The following CD300LG variants were observed in gnomAD, a reference collection of about 807,000 sequenced individuals.
CD300LG encodes the protein CMRF35-like molecule 9.
CD300LG carries 29 observed loss-of-function variants against 31.5 expected under a neutral mutation model. That is an observed-to-expected ratio of 0.92 (90% confidence interval 0.68 to 1.25). CD300LG has a LOEUF of 1.25. Among genes scored for constraint, CD300LG ranks in the 50% most tolerant of loss-of-function variants. The probability of loss-of-function intolerance (pLI) is 0.00; values close to 1 mark genes in which losing one functional copy is unlikely to be tolerated. For missense variants in CD300LG, 396 were observed against 417.6 expected, an observed-to-expected ratio of 0.95 and a Z score of 0.45; for synonymous variants, 175 against 177.2, an observed-to-expected ratio of 0.99 and a Z score of 0.10.
chr17:43,861,593 G>A (rs1477193215), intron 6 of CD300LG, among the ~76,000 whole-genome samples: 1 of 152,202 alleles, frequency 6.6e-6, no homozygotes, highest in Non-Finnish European at 1.5e-5. Context: ...CCCCGGGGGA[G>A]GGATGGATTG....
chr17:43,858,046 T>G (rs544273010), intron 6 of CD300LG: 58 of 1,437,728 alleles, frequency 4.0e-5, no homozygotes, highest in Non-Finnish European at 5.3e-5. Context: ...TGGCCCCTCC[T>G]CCCTCTGCTG....
chr17:43,849,052 C>A, intron 2 of CD300LG, 159 bp downstream of exon 2: 1 of 660,884 alleles, frequency 1.5e-6, no homozygotes, highest in Non-Finnish European at 2.6e-6. Context: ...ACAGAAGGAG[C>A]CGCCTGAGTC....
At position 43,856,378 on chromosome 17, in the gene CD300LG, C is replaced by A. The variant is rs149855615; in HGVS notation, c.833-726C>A. 5.3e-4 allele frequency among the ~76,000 whole-genome samples: 81 copies of A among 152,310 alleles called. 1 individual carries two copies. In the East Asian group the frequency reaches 0.014, roughly 27 times the overall value. ...GAGCTACCATGTGCCAGCCACTATC[C>A]CCAGCTTATCTTGCTTATCCCCTTT... On this transcript the variant is annotated intron_variant, in intron 5 of 6. Transcript: ENST00000317310.
At chr17:43,861,686 G>A in intron 6 of CD300LG, 112 bp from the exon 7 acceptor site, 1 of 626,512 alleles carries the variant, frequency 1.6e-6, no homozygotes, top group African/African-American at 1.9e-5. Context: ...ACGGAGGGCT[G>A]GAACTTGTGG....
At chr17:43,857,022 A>C (rs1456995067) in intron 5 of CD300LG, 82 bp from the exon 6 acceptor site, 3 of 1,406,848 alleles carry the variant, frequency 2.1e-6, no homozygotes, top group Non-Finnish European at 3.0e-6. Flanking sequence ...CAAGGGGGCC[A>C]GTCCACCTTT....
rs377287900 is a variant in CD300LG, at chr17:43,861,913, G to T, written c.*2G>T. On this transcript the variant is annotated 3_prime_UTR_variant, in exon 7 of 7. Coordinates refer to ENST00000317310, the MANE Select transcript of CD300LG (RefSeq NM_145273.4). The stretch of plus-strand genomic sequence containing the variant: ...TTCTCGAAGTTTGTCTCAGCGTAGG[G>T]CAGGAGGCCCTCCTGGCCAGGCCAG... 41 of 1,599,948 alleles carry T rather than the reference G, an allele frequency of 2.6e-5. No individual in the cohort carries two copies. Among genetic ancestry groups the T allele is most frequent in the African/African-American group, 4.0e-5 (3 of 74,542 alleles).
intron 6 of CD300LG, chr17:43,857,599 C>G (rs2046562135): frequency 1.7e-6 from 2 of 1,175,586 alleles, no homozygotes; most frequent in Admixed American, 4.0e-5. Flanking sequence ...CTCCAGGGCC[C>G]CAGACCCAGC....
chr17:43,855,587 T>C (rs2046496372), intron 5 of CD300LG: 2 of 292,472 alleles, frequency 6.8e-6, no homozygotes, highest in Non-Finnish European at 1.3e-5. Flanking sequence ...CTCTACCTAT[T>C]GATCCCAGGG....
intron 6 of CD300LG, among the ~76,000 whole-genome samples, chr17:43,860,816 TAA>T (rs1300600797): frequency 6.6e-6 from 1 of 152,178 alleles, no homozygotes; most frequent in African/African-American, 2.4e-5. Flanking sequence ...TGAAAACAAA[TAA>T]GTCATTCCAG....
chr17:43,848,192 A>C (rs2046239613), intron 1 of CD300LG, among the ~76,000 whole-genome samples: 1 of 152,044 alleles, frequency 6.6e-6, no homozygotes, highest in Non-Finnish European at 1.5e-5. Context: ...CAGTGAGCAG[A>C]CATCGGGCCA....
At chr17:43,861,045 C>T (rs1597717445) in intron 6 of CD300LG, 9 of 968,236 alleles carry the variant, frequency 9.3e-6, no homozygotes, top group Non-Finnish European at 9.8e-6. Flanking sequence ...ACCCCTCCCA[C>T]GTTTCCCTCA....
At position 43,861,054 on chromosome 17, in the gene CD300LG, C is replaced by T. The variant is rs892716700; in HGVS notation, c.886-744C>T. 4.1e-6 allele frequency: 4 copies of T among 978,894 alleles called. No individual in the cohort carries two copies. The South Asian group carries it at 1.4e-4, about 35-fold the overall frequency. 60.6% of individuals were successfully genotyped at this position (978,894 alleles called of 1,614,324 possible). A position where few individuals can be genotyped will look rare whatever the true frequency, so the allele number is the denominator to read the frequency against. ...TTGCCCACCCCTCCCACGTTTCCCT[C>T]ATCTTGCTTGGGCTTGGCTGGGCTA... On this transcript the variant is annotated intron_variant, in intron 6 of 6. Coordinates refer to ENST00000317310, the MANE Select transcript of CD300LG (RefSeq NM_145273.4).
intron 1 of CD300LG, 141 bp downstream of exon 1, chr17:43,847,400 T>TGGGGGGGGGGGGGGGGGGGGGGGGG: frequency 6.1e-6 from 2 of 325,846 alleles, no homozygotes; most frequent in East Asian, 1.0e-4. Flanking sequence ...GGGCTGGGGG[T>TGGGGGGGGGGGGGGGGGGGGGGGGG]GGGGGGAGGT....
chr17:43,848,013 C>T (rs1407489357), intron 1 of CD300LG, among the ~76,000 whole-genome samples: 3 of 152,092 alleles, frequency 2.0e-5, no homozygotes, highest in Admixed American at 6.6e-5. Flanking sequence ...GAGGCTGAGG[C>T]GGACGGATCA....
chr17:43,854,468 C>T (rs1459141762), intron 4 of CD300LG, among the ~76,000 whole-genome samples: 5 of 152,338 alleles, frequency 3.3e-5, no homozygotes, highest in Non-Finnish European at 2.9e-5. Context: ...ACTTGGCTAC[C>T]GACATCCAGG....
chr17:43,851,532 AGGACTGGGGAAGTGACAGAT>A (rs2046354950), intron 2 of CD300LG, among the ~76,000 whole-genome samples: 1 of 152,040 alleles, frequency 6.6e-6, no homozygotes, highest in Non-Finnish European at 1.5e-5. Flanking sequence ...ACAGTCAGCA[AGGACTGGGGAAGTGACAGAT>A]GGACTTGGGG....
chr17:43,857,252 CT>C (rs2046550108), intron 6 of CD300LG, 96 bp downstream of exon 6: 6 of 1,500,140 alleles, frequency 4.0e-6, no homozygotes, highest in Non-Finnish European at 5.5e-6. Flanking sequence ...CTACCTGGTC[CT>C]CCTTGCCTGA....
Position 43,853,844 on chromosome 17 carries a change from G to T in CD300LG, c.519G>T (p.Lys173Asn). Residue 173 changes from lysine (K) to asparagine (N), a missense_variant, in exon 4 of 7, where the codon AAG becomes AAT. Physicochemically the swap from Lys to Asn is moderately conservative, Grantham distance 94 (BLOSUM62 0). Coordinates refer to ENST00000317310, the MANE Select transcript of CD300LG (RefSeq NM_145273.4). ...TCTACCCGGCAGCCACCACAGCCAA[G>T]CAGGGGAAGACAGGGGCTGAGGCCC... ...PGLYPAATTA[K>N]QGKTGAEAPP... The T allele has an allele frequency of 4.3e-6, 7 of 1,614,086 alleles. No homozygotes were observed. The highest frequency in any genetic ancestry group is 5.1e-6 in the Non-Finnish European group (6 of 1,179,978).
chr17:43,849,081 T>C (rs2046273669), intron 2 of CD300LG, 188 bp downstream of exon 2: 1 of 613,942 alleles, frequency 1.6e-6, no homozygotes, highest in African/African-American at 1.9e-5. Context: ...TGTCTCACTC[T>C]TGCTGCCCGA....
Sources: gnomAD v4.1 joint callset for allele counts (sites outside exome capture counted in the v4.1 genomes callset) on GRCh38, gnomAD v4.1.1 for gene constraint, MANE v1.5 for transcripts, NCBI Gene and HGNC (gene_info 2026-07-23, HGNC 2026-07-21) for gene names.